RERE: variants seen among roughly 807,000 people sequenced by gnomAD.
RERE encodes the protein arginine-glutamic acid dipeptide repeats protein.
RERE carries 40 observed loss-of-function variants against 146.1 expected under a neutral mutation model. That is an observed-to-expected ratio of 0.27 (90% CI 0.21 to 0.36). The LOEUF is 0.36. Among genes scored for constraint, RERE ranks in the 10% least tolerant of loss-of-function variants. The pLI is 1.00. For missense variants in RERE, 1,933 were observed against 2,138.7 expected, an observed-to-expected ratio of 0.90 and a Z score of 1.90; for synonymous variants, 1,003 against 866.0, an observed-to-expected ratio of 1.16 and a Z score of -2.78.
At chr1:8,495,312 AT>A (rs111493554) in intron 9 of RERE, 150 bp from the exon 10 acceptor site, 58,318 of 375,960 alleles carry the variant, frequency 0.16, 603 homozygotes, top group South Asian at 0.16. Context: ...CTCTGCTCCT[AT>A]TTTTTTTTTT....
intron 7 of RERE, among the ~76,000 whole-genome samples, chr1:8,528,861 T>G (rs2124360477): frequency 6.6e-6 from 1 of 152,160 alleles, no homozygotes. Context: ...ATAGAGGTTA[T>G]CTCATAAAGT....
intron 1 of RERE, among the ~76,000 whole-genome samples, chr1:8,747,899 C>T (rs1438868451): frequency 6.6e-6 from 1 of 151,928 alleles, no homozygotes; most frequent in East Asian, 1.9e-4. Context: ...CTCAGCCTCC[C>T]GAGTAGCTAG....
intron 1 of RERE, among the ~76,000 whole-genome samples, chr1:8,745,520 C>A (rs1640402223): frequency 6.6e-6 from 1 of 152,166 alleles, no homozygotes; most frequent in East Asian, 1.9e-4. Flanking sequence ...CCATTCCAGA[C>A]CACCGTTGGC....
rs372484015 is a variant in RERE at position 8,788,362 on chromosome 1, GT to G, written c.-145+28797del. On this transcript the variant is annotated intron_variant, in intron 1 of 22. Coordinates refer to ENST00000400908, the MANE Select transcript of RERE (RefSeq NM_001042681.2). ...GAAGCACAAAGGTGTTTATCAAGGAGTTTTTTTTTTTTTTTTTTTGAGACGG... is the reference window on the plus strand; with the variant it reads ...GAAGCACAAAGGTGTTTATCAAGGAGTTTTTTTTTTTTTTTTTTGAGACGG... Among the ~76,000 whole-genome samples the G allele has an allele frequency of 7.3e-3, 980 of 134,784 alleles. 6 individuals are homozygous for G. Among genetic ancestry groups the G allele is most frequent in the African/African-American group, 0.018 (655 of 37,178 alleles). 88.4% of individuals were successfully genotyped at this position (134,784 alleles called of 152,430 possible).
At chr1:8,361,633 A>C in intron 17 of RERE, 130 bp downstream of exon 17, 1 of 1,349,008 alleles carries the variant, frequency 7.4e-7, no homozygotes, top group African/African-American at 1.4e-5. Context: ...GCCCTGACCC[A>C]GCCAGTGTCA....
chr1:8,508,730 T>G (rs1237600206), intron 7 of RERE, 55 bp from the exon 8 acceptor site: 2 of 1,390,508 alleles, frequency 1.4e-6, no homozygotes, highest in African/African-American at 2.9e-5. Context: ...GACATAAACA[T>G]TCACACATTT....
intron 9 of RERE, 73 bp downstream of exon 9, chr1:8,497,332 T>C (rs560000693): frequency 5.3e-6 from 8 of 1,520,656 alleles, no homozygotes; most frequent in African/African-American, 1.4e-5. Flanking sequence ...TCAGGGGAAA[T>C]GCAAAGTTTA....
intron 12 of RERE, chr1:8,381,207 C>T (rs569847287): frequency 9.3e-5 from 33 of 352,978 alleles, no homozygotes; most frequent in Admixed American, 2.7e-4. Context: ...ATCACTGAGT[C>T]CTGCAGGATA....
At chr1:8,703,304 G>A (rs1044348008) in intron 1 of RERE, 41 of 150,452 alleles carry the variant, frequency 2.7e-4, no homozygotes, top group African/African-American at 9.2e-4. Context: ...CCGCGGCTAG[G>A]GAGGCGGCCG....
At chr1:8,771,671 G>C (rs1640954284) in intron 1 of RERE, among the ~76,000 whole-genome samples, 1 of 152,066 alleles carries the variant, frequency 6.6e-6, no homozygotes. Flanking sequence ...AGCACTGTGG[G>C]AGGCCAAGGC....
rs115995915 is a variant in RERE at position 8,437,897 on chromosome 1, A to T, written c.1204-15090T>A. ...CACCCCCATGCAGTATGTCCCCCGA[A>T]ATAGAGTCCTTTTCATCCTCGTTTG... On this transcript the variant is annotated intron_variant, in intron 11 of 22. Coordinates refer to ENST00000400908, the MANE Select transcript of RERE (RefSeq NM_001042681.2). Among the ~76,000 whole-genome samples, 949 of 146,448 alleles carry T rather than the reference A, an allele frequency of 6.5e-3. 9 individuals are homozygous for T. Among genetic ancestry groups the T allele is most frequent in the African/African-American group, 0.023 (902 of 39,284 alleles).
intron 10 of RERE, among the ~76,000 whole-genome samples, chr1:8,474,116 T>C (rs1644724537): frequency 6.6e-6 from 1 of 152,250 alleles, no homozygotes; most frequent in Non-Finnish European, 1.5e-5. Context: ...ATTTAATATA[T>C]ATAAGTGCTT....
chr1:8,621,042 G>C (rs368477792), intron 3 of RERE, among the ~76,000 whole-genome samples: 1 of 150,704 alleles, frequency 6.6e-6, no homozygotes, highest in Non-Finnish European at 1.5e-5. Context: ...AGTGTAGGAC[G>C]GTGGTGTCCC....
At chr1:8,740,218 C>T (rs907853226) in intron 1 of RERE, among the ~76,000 whole-genome samples, 2 of 152,268 alleles carry the variant, frequency 1.3e-5, no homozygotes, top group Non-Finnish European at 2.9e-5. Context: ...GTTACACAAG[C>T]CTAGATGATA....
intron 11 of RERE, among the ~76,000 whole-genome samples, chr1:8,454,159 T>C (rs1444058670): frequency 6.6e-6 from 1 of 152,174 alleles, no homozygotes; most frequent in Non-Finnish European, 1.5e-5. Context: ...CCTAGGAGAT[T>C]TGGTTTCATT....
At chr1:8,417,893 A>AT (rs1643821803) in intron 12 of RERE, among the ~76,000 whole-genome samples, 1 of 152,124 alleles carries the variant, frequency 6.6e-6, no homozygotes, top group Non-Finnish European at 1.5e-5. Context: ...TGTTCATAGT[A>AT]TTTCCTATGG....
chr1:8,383,697 A>G (rs1326742115), intron 12 of RERE, among the ~76,000 whole-genome samples: 3 of 151,898 alleles, frequency 2.0e-5, no homozygotes, highest in South Asian at 4.1e-4. Flanking sequence ...TATCTCTACT[A>G]AAAATACAAA....
intron 1 of RERE, among the ~76,000 whole-genome samples, chr1:8,678,199 T>G (rs946339486): frequency 6.6e-6 from 1 of 152,150 alleles, no homozygotes; most frequent in Non-Finnish European, 1.5e-5. Context: ...TAAAATCAAT[T>G]TATTAGATTT....
rs140379558 is a variant in RERE, at chr1:8,551,231, A to G, written c.725+5244T>C. ...ACGATCTCCTGTGCTGCCCTCCACA[A>G]TCAATACTGGAGAATGCACTGATGC... On this transcript the variant is annotated intron_variant, in intron 6 of 22. Coordinates refer to ENST00000400908, the MANE Select transcript of RERE (RefSeq NM_001042681.2). Among the ~76,000 whole-genome samples the G allele has an allele frequency of 9.4e-3, 1,431 of 152,296 alleles. 20 individuals carry two copies. The highest frequency in any genetic ancestry group is 0.031 in the Middle Eastern group (9 of 294).
Sources: allele counts gnomAD v4.1 joint callset (sites outside exome capture counted in the v4.1 genomes callset), GRCh38; gene constraint gnomAD v4.1.1; transcripts MANE v1.5; gene names NCBI Gene and HGNC (gene_info 2026-07-23, HGNC 2026-07-21).